The following SACM1L variants were observed in gnomAD, a reference collection of about 807,000 sequenced individuals.
The protein encoded by SACM1L is SAC1 like phosphatidylinositide phosphatase, also known as phosphatidylinositol-3-phosphatase SAC1.
A neutral mutation model predicts 89.5 loss-of-function variants in SACM1L; 32 were observed. The ratio of observed to expected loss-of-function variants is 0.36; its 90% CI spans 0.27 to 0.48. The LOEUF (loss-of-function observed/expected upper bound fraction) is 0.48, where lower values mean the gene tolerates loss of function less well. Ranked by LOEUF, SACM1L falls within the 20% of genes least tolerant of loss-of-function variation. The probability of loss-of-function intolerance (pLI) is 0.99; values close to 1 mark genes in which losing one functional copy is unlikely to be tolerated. For missense variants in SACM1L, 543 were observed against 708.5 expected, an observed-to-expected ratio of 0.77 and a Z score of 2.65; for synonymous variants, 213 against 232.8, an observed-to-expected ratio of 0.92 and a Z score of 0.77.
chr3:45,694,990 A>G (rs933745400), intron 1 of SACM1L, among the ~76,000 whole-genome samples: 6 of 152,116 alleles, frequency 3.9e-5, no homozygotes, highest in Non-Finnish European at 8.8e-5. Flanking sequence ...CTTTCTAGAA[A>G]CACCAACTGG....
chr3:45,724,604 C>T (rs1189980602), intron 11 of SACM1L, among the ~76,000 whole-genome samples: 2 of 151,978 alleles, frequency 1.3e-5, no homozygotes, highest in Non-Finnish European at 2.9e-5. Flanking sequence ...TGATTTTTTA[C>T]TCTTGACAAT....
intron 2 of SACM1L, 151 bp from the exon 3 acceptor site, chr3:45,704,984 A>G (rs1698354253): frequency 1.8e-6 from 1 of 561,752 alleles, no homozygotes; most frequent in Non-Finnish European, 3.2e-6. Context: ...TAGCTCTATC[A>G]ATAGTGCATT....
chr3:45,730,322 T>A (rs1175517374), intron 11 of SACM1L, among the ~76,000 whole-genome samples: 2 of 151,112 alleles, frequency 1.3e-5, no homozygotes, highest in Non-Finnish European at 2.9e-5. Context: ...TTTTGTTTTA[T>A]TTGATTGTTA....
intron 11 of SACM1L, among the ~76,000 whole-genome samples, chr3:45,726,462 G>A (rs1698919410): frequency 6.6e-6 from 1 of 151,860 alleles, no homozygotes; most frequent in Non-Finnish European, 1.5e-5. Flanking sequence ...TATATGTCTA[G>A]GAATTTGCCA....
Position 45,739,653 on chromosome 3 carries a change from G to C in SACM1L, c.1627+9G>C, listed in dbSNP as rs1324561473. On this transcript the variant is annotated intron_variant, in intron 19 of 19. Coordinates refer to ENST00000389061, the MANE Select transcript of SACM1L (RefSeq NM_014016.5). ...CTGTTTGCTTATGGCTGGTAAGTCT[G>C]CTCCACACATTTGTTTCTTAGTTAG... 1 of 1,613,494 alleles carries C rather than the reference G, an allele frequency of 6.2e-7. No homozygotes were observed. Among genetic ancestry groups the C allele is most frequent in the Non-Finnish European group, 8.5e-7 (1 of 1,179,556 alleles).
chr3:45,701,456 A>C (rs1698264340), intron 1 of SACM1L, among the ~76,000 whole-genome samples: 1 of 152,180 alleles, frequency 6.6e-6, no homozygotes. Flanking sequence ...AATGGCTTAC[A>C]CTTGGAATGC....
At chr3:45,709,942 A>G (rs1248992044) in intron 5 of SACM1L, among the ~76,000 whole-genome samples, 1 of 152,220 alleles carries the variant, frequency 6.6e-6, no homozygotes, top group South Asian at 2.1e-4. Context: ...GTATTTCTGC[A>G]TAAGTATTAC....
intron 1 of SACM1L, among the ~76,000 whole-genome samples, chr3:45,690,781 C>T (rs968754506): frequency 2.6e-5 from 4 of 152,208 alleles, no homozygotes; most frequent in Admixed American, 2.0e-4. Flanking sequence ...GTGCTCACCT[C>T]GTCTTTGGTG....
chr3:45,735,481 C>G, intron 14 of SACM1L, 108 bp downstream of exon 14: 1 of 1,105,394 alleles, frequency 9.0e-7, no homozygotes, highest in Non-Finnish European at 1.2e-6. Context: ...CCTAACCCAG[C>G]TCTTTTTATT....
At chr3:45,738,693 T>C (rs1699255193) in intron 17 of SACM1L, 22 bp downstream of exon 17, 1 of 1,558,256 alleles carries the variant, frequency 6.4e-7, no homozygotes, top group Admixed American at 1.7e-5. Context: ...TTTGATGCTT[T>C]CCTGGCATTA....
At chr3:45,703,616 G>A (rs370575830) in intron 2 of SACM1L, 81 bp downstream of exon 2, 3 of 851,668 alleles carry the variant, frequency 3.5e-6, no homozygotes, top group African/African-American at 3.4e-5. Context: ...TCACTCAGAG[G>A]TGTGTCAGTG....
At chr3:45,692,422 C>T (rs577685306) in intron 1 of SACM1L, among the ~76,000 whole-genome samples, 7 of 152,032 alleles carry the variant, frequency 4.6e-5, no homozygotes, top group African/African-American at 1.7e-4. Context: ...CTCCCAGGCT[C>T]AAGTGATCCT....
chr3:45,729,883 C>G (rs1351031729), intron 11 of SACM1L, among the ~76,000 whole-genome samples: 1 of 151,888 alleles, frequency 6.6e-6, no homozygotes, highest in East Asian at 1.9e-4. Context: ...GCCTTTCTCT[C>G]TCTCTTCCTG....
rs1440104198 is a variant in SACM1L at position 45,744,731 on chromosome 3, A to T, written c.*1062A>T. The stretch of plus-strand genomic sequence containing the variant: ...TTTTTGTGCAAAAACAAACCTGAAA[A>T]ATATGCTTCGGAAACTGTGCATAGT... On this transcript the variant is annotated 3_prime_UTR_variant, in exon 20 of 20. Coordinates refer to ENST00000389061, the MANE Select transcript of SACM1L (RefSeq NM_014016.5). 1 of 152,778 alleles carries T rather than the reference A, an allele frequency of 6.5e-6. No individual in the cohort carries two copies. The highest frequency in any genetic ancestry group is 2.4e-5 in the African/African-American group (1 of 41,572). The allele number at this position is 152,778 out of a possible 1,614,324, so 9.5% of individuals were successfully genotyped here.
chr3:45,738,697 G>A (rs774039360), intron 17 of SACM1L, 26 bp downstream of exon 17: 1 of 1,543,630 alleles, frequency 6.5e-7, no homozygotes, highest in Non-Finnish European at 9.0e-7. Context: ...ATGCTTTCCT[G>A]GCATTACGTG....
intron 11 of SACM1L, among the ~76,000 whole-genome samples, chr3:45,726,854 G>A (rs980174545): frequency 7.5e-5 from 11 of 147,644 alleles, no homozygotes; most frequent in African/African-American, 2.5e-4. Flanking sequence ...CCTCAGCACT[G>A]CTTTTGCTTT....
intron 1 of SACM1L, among the ~76,000 whole-genome samples, chr3:45,697,253 T>TTTTTC (rs1698151044): frequency 1.3e-5 from 2 of 149,056 alleles, no homozygotes; most frequent in Admixed American, 1.3e-4. Context: ...TCCTGCTTTG[T>TTTTTC]TTTTCTTTTC....
At chr3:45,705,425 A>G (rs1406546450) in intron 3 of SACM1L, among the ~76,000 whole-genome samples, 3 of 147,990 alleles carry the variant, frequency 2.0e-5, no homozygotes, top group African/African-American at 5.0e-5. Flanking sequence ...AAAGTTTTGT[A>G]TTTTGTTGTG....
intron 7 of SACM1L, among the ~76,000 whole-genome samples, chr3:45,717,191 GTCAT>G (rs1462217282): frequency 6.6e-6 from 1 of 152,182 alleles, no homozygotes; most frequent in Non-Finnish European, 1.5e-5. Flanking sequence ...CATTGCTGAT[GTCAT>G]TAGGTACCAT....
Sources: gnomAD v4.1 joint callset for allele counts (sites outside exome capture counted in the v4.1 genomes callset) on GRCh38, gnomAD v4.1.1 for gene constraint, MANE v1.5 for transcripts, NCBI Gene and HGNC (gene_info 2026-07-23, HGNC 2026-07-21) for gene names.